Variants in EIF5A2 observed in about 807,000 individuals in gnomAD.
EIF5A2 encodes the protein eukaryotic translation initiation factor 5A-2.
Under a neutral mutation model 16.4 loss-of-function variants are expected in EIF5A2, and 15 were observed. That is an observed-to-expected ratio of 0.92 (90% CI 0.61 to 1.41). EIF5A2 has a LOEUF of 1.41. EIF5A2 is among the 40% of genes most tolerant of loss of function. The pLI is 0.00. For synonymous variants in EIF5A2, 48 were observed against 61.1 expected, an observed-to-expected ratio of 0.79 and a Z score of 1.00; for missense variants, 144 against 189.5, an observed-to-expected ratio of 0.76 and a Z score of 1.41.
At chr3:170,907,585 T>C in intron 2 of EIF5A2, 57 bp downstream of exon 2, 1 of 1,475,624 alleles carries the variant, frequency 6.8e-7, no homozygotes, top group Non-Finnish European at 9.1e-7. Flanking sequence ...TGTAACGGAA[T>C]ACAAATGATC....
chr3:170,891,698 G>C lies in EIF5A2; in HGVS notation c.*1662C>G, dbSNP rs1712540494. 6.6e-6 allele frequency: 1 copy of C among 152,642 alleles called. No individual in the cohort carries two copies. The highest frequency in any genetic ancestry group is 1.9e-4 in the East Asian group (1 of 5,170). 9.5% of individuals were successfully genotyped at this position (152,642 alleles called of 1,614,324 possible). A position where few individuals can be genotyped will look rare whatever the true frequency, so the allele number is the denominator to read the frequency against. ...TAAGAGCCAGTCTTAGAGAATTAAG[G>C]TATTTCTGAGATAGTGATTTTGTTC... On this transcript the variant is annotated 3_prime_UTR_variant, in exon 5 of 5. Coordinates refer to ENST00000295822, the MANE Select transcript of EIF5A2 (RefSeq NM_020390.6).
At position 170,905,693 on chromosome 3, in the gene EIF5A2, T is replaced by A. The variant is rs189863348; in HGVS notation, c.270+1296A>T. 1.2e-4 allele frequency among the ~76,000 whole-genome samples: 18 copies of A among 152,250 alleles called. No individual in the cohort carries two copies. In the East Asian group the frequency reaches 2.9e-3, roughly 24 times the overall value. On this transcript the variant is annotated intron_variant, in intron 3 of 4. Coordinates refer to ENST00000295822, the MANE Select transcript of EIF5A2 (RefSeq NM_020390.6). Reference sequence around the variant, plus strand: ...GAAATGATTAAGTAGAATTTTTACATAGGAAAAGGGGGAAACAGAACAGCA... The same window carrying A: ...GAAATGATTAAGTAGAATTTTTACAAAGGAAAAGGGGGAAACAGAACAGCA...
intron 3 of EIF5A2, among the ~76,000 whole-genome samples, chr3:170,900,232 G>A (rs1712776351): frequency 1.3e-5 from 2 of 151,952 alleles, no homozygotes; most frequent in Non-Finnish European, 2.9e-5. Flanking sequence ...TTAGCCAGAT[G>A]TGATGGCACC....
chr3:170,904,932 G>A (rs1006402320), intron 3 of EIF5A2, among the ~76,000 whole-genome samples: 1 of 152,134 alleles, frequency 6.6e-6, no homozygotes, highest in Non-Finnish European at 1.5e-5. Context: ...TGTCAACCAA[G>A]GTCACACAGC....
chr3:170,907,973 A>G (rs1446379704), intron 1 of EIF5A2, 132 bp from the exon 2 acceptor site: 4 of 593,530 alleles, frequency 6.7e-6, no homozygotes, highest in Non-Finnish European at 1.0e-5. Flanking sequence ...ACCCTAGACT[A>G]GTGGCCACTT....
intron 4 of EIF5A2, 72 bp downstream of exon 4, chr3:170,894,220 T>C (rs1712610134): frequency 6.6e-7 from 1 of 1,522,476 alleles, no homozygotes; most frequent in East Asian, 2.3e-5. Flanking sequence ...TATGTAGTAT[T>C]TTATGTTAAC....
At chr3:170,899,921 A>T (rs558377545) in intron 3 of EIF5A2, among the ~76,000 whole-genome samples, 2 of 151,084 alleles carry the variant, frequency 1.3e-5, no homozygotes, top group Admixed American at 1.3e-4. Context: ...TCACTTTTAG[A>T]TGTTTTTGAA....
intron 3 of EIF5A2, among the ~76,000 whole-genome samples, chr3:170,897,368 G>A (rs1011659250): frequency 3.3e-5 from 5 of 152,208 alleles, no homozygotes; most frequent in Non-Finnish European, 5.9e-5. Flanking sequence ...ATATCTTCAT[G>A]GCATCCCCTC....
At chr3:170,897,836 C>G (rs1712711933) in intron 3 of EIF5A2, among the ~76,000 whole-genome samples, 1 of 152,120 alleles carries the variant, frequency 6.6e-6, no homozygotes, top group Non-Finnish European at 1.5e-5. Flanking sequence ...AATGGTGTAC[C>G]ATGTGCCTGG....
chr3:170,906,958 A>C (rs1712950279), intron 3 of EIF5A2, 31 bp downstream of exon 3: 1 of 1,463,134 alleles, frequency 6.8e-7, no homozygotes, highest in Admixed American at 1.8e-5. Flanking sequence ...TTGAAGAAAC[A>C]AGCAACATTC....
At chr3:170,896,985 G>A (rs1472242150) in intron 3 of EIF5A2, among the ~76,000 whole-genome samples, 11 of 152,332 alleles carry the variant, frequency 7.2e-5, no homozygotes, top group East Asian at 3.9e-4. Flanking sequence ...CACTCCTGCC[G>A]TGCTTTAGCA....
intron 2 of EIF5A2, among the ~76,000 whole-genome samples, 172 bp from the exon 3 acceptor site, chr3:170,907,265 AAC>A (rs1433530156): frequency 1.3e-5 from 2 of 152,234 alleles, no homozygotes; most frequent in African/African-American, 4.8e-5. Context: ...AGAGGCAGTA[AAC>A]AACTAAACAG....
Position 170,899,578 on chromosome 3 carries a change from A to T in EIF5A2, c.271-5155T>A, listed in dbSNP as rs9856094. Among the ~76,000 whole-genome samples, 718 of 152,240 alleles carry T rather than the reference A, an allele frequency of 4.7e-3. 3 individuals are homozygous for T. The highest frequency in any genetic ancestry group is 0.017 in the African/African-American group (696 of 41,536). The stretch of plus-strand genomic sequence containing the variant: ...TGCATTTTTGAAAGGAATACTATAC[A>T]AATGATGTGTCCTCAGAGTATCCTA... On this transcript the variant is annotated intron_variant, in intron 3 of 4. Transcript: ENST00000295822.
chr3:170,903,963 A>G (rs1014256454), intron 3 of EIF5A2, among the ~76,000 whole-genome samples: 2 of 152,260 alleles, frequency 1.3e-5, no homozygotes, highest in African/African-American at 4.8e-5. Context: ...AATGACAGGT[A>G]AAACTGTAGT....
At chr3:170,906,024 G>C (rs1350062544) in intron 3 of EIF5A2, among the ~76,000 whole-genome samples, 3 of 152,172 alleles carry the variant, frequency 2.0e-5, no homozygotes, top group African/African-American at 7.2e-5. Flanking sequence ...AAGTATGTTT[G>C]CATGTGGACA....
intron 4 of EIF5A2, 32 bp downstream of exon 4, chr3:170,894,259 GT>G: frequency 6.2e-7 from 1 of 1,601,500 alleles, no homozygotes; most frequent in East Asian, 2.2e-5. Context: ...TTATAAAATG[GT>G]TTTCAAAAAT....
intron 3 of EIF5A2, among the ~76,000 whole-genome samples, chr3:170,895,118 G>C (rs1576786409): frequency 6.6e-6 from 1 of 150,554 alleles, no homozygotes; most frequent in Non-Finnish European, 1.5e-5. Context: ...TTTCTAAGCA[G>C]AAAATGTAAA....
chr3:170,907,601 C>T (rs1712971241), intron 2 of EIF5A2, 41 bp downstream of exon 2: 1 of 1,517,594 alleles, frequency 6.6e-7, no homozygotes, highest in South Asian at 1.3e-5. Flanking sequence ...TGATCAAAGT[C>T]CCAACGCCGA....
intron 3 of EIF5A2, among the ~76,000 whole-genome samples, chr3:170,895,056 A>G (rs7646232): frequency 0.23 from 33,758 of 147,820 alleles, 3,963 homozygotes; most frequent in Middle Eastern, 0.28. Context: ...AAGAGATATT[A>G]TAAGTACTTT....
Sources: allele counts gnomAD v4.1 joint callset (sites outside exome capture counted in the v4.1 genomes callset), GRCh38; gene constraint gnomAD v4.1.1; transcripts MANE v1.5; gene names NCBI Gene and HGNC (gene_info 2026-07-23, HGNC 2026-07-21).